SPMIP2: variants seen among roughly 807,000 people sequenced by gnomAD.
SPMIP2 encodes the protein sperm microtubule inner protein 2.
chr4:159,063,089 C>T, the SPMIP2 span, among the ~76,000 whole-genome samples: 828 of 152,164 alleles, frequency 5.4e-3, 2 homozygotes, highest in Admixed American at 9.7e-3. Flanking sequence ...ATTTACTCAA[C>T]CTCACAATGA....
At chr4:159,055,474 A>C in the SPMIP2 span, among the ~76,000 whole-genome samples, 1 of 152,280 alleles carries the variant, frequency 6.6e-6, no homozygotes, top group East Asian at 1.9e-4. Context: ...AGGCCAAGGC[A>C]AAGCAGGCAG....
chr4:158,988,573 G>A, the SPMIP2 span, among the ~76,000 whole-genome samples: 1 of 152,138 alleles, frequency 6.6e-6, no homozygotes, highest in Non-Finnish European at 1.5e-5. Flanking sequence ...GGGATGCAAG[G>A]CTGGTTCAAC....
the SPMIP2 span, among the ~76,000 whole-genome samples, chr4:158,974,567 C>T: frequency 6.6e-6 from 1 of 151,886 alleles, no homozygotes; most frequent in Non-Finnish European, 1.5e-5. Flanking sequence ...GTTTGGCTTT[C>T]TGTTCCTGAG....
the SPMIP2 span, among the ~76,000 whole-genome samples, chr4:158,928,178 G>A: frequency 2.6e-5 from 4 of 152,212 alleles, no homozygotes; most frequent in African/African-American, 7.2e-5. Context: ...AGTCTGGTGG[G>A]GATGTGGAGA....
the SPMIP2 span, among the ~76,000 whole-genome samples, chr4:159,022,758 G>A: frequency 4.1e-4 from 63 of 152,272 alleles, no homozygotes; most frequent in African/African-American, 1.4e-3. Context: ...TTGGCCGGGC[G>A]CGGTGGCTCA....
chr4:158,973,073 C>T, the SPMIP2 span: 1 of 1,498,924 alleles, frequency 6.7e-7, no homozygotes, highest in South Asian at 1.2e-5. Flanking sequence ...AATTTAAGAG[C>T]AATACCTTGA....
At chr4:158,903,034 G>GA in the SPMIP2 span, among the ~76,000 whole-genome samples, 2 of 151,866 alleles carry the variant, frequency 1.3e-5, no homozygotes, top group African/African-American at 2.4e-5. Flanking sequence ...CTGAGGTATG[G>GA]AAAAAAAACT....
At chr4:158,894,763 T>C in the SPMIP2 span, among the ~76,000 whole-genome samples, 1 of 152,204 alleles carries the variant, frequency 6.6e-6, no homozygotes, top group South Asian at 2.1e-4. Context: ...CTCCTTACTT[T>C]ATTACTCTTA....
At chr4:158,977,188 AC>A in the SPMIP2 span, among the ~76,000 whole-genome samples, 1 of 151,808 alleles carries the variant, frequency 6.6e-6, no homozygotes, top group Non-Finnish European at 1.5e-5. Context: ...TCCACTTTGC[AC>A]CCCCCTGGTA....
At chr4:158,893,490 A>G in the SPMIP2 span, 1 of 521,564 alleles carries the variant, frequency 1.9e-6, no homozygotes, top group Non-Finnish European at 3.5e-6. Context: ...AATAACAATT[A>G]GTTTCATGAA....
At chr4:159,051,800 C>A in the SPMIP2 span, among the ~76,000 whole-genome samples, 1 of 152,202 alleles carries the variant, frequency 6.6e-6, no homozygotes, top group Non-Finnish European at 1.5e-5. Context: ...CAGCTGCGTG[C>A]TGAAATATAG....
At chr4:159,050,253 G>A in the SPMIP2 span, among the ~76,000 whole-genome samples, 3 of 148,616 alleles carry the variant, frequency 2.0e-5, no homozygotes, top group African/African-American at 7.5e-5. Context: ...CTACTGTCAG[G>A]CTTGAGAAGT....
chr4:159,042,626 T>C, the SPMIP2 span, among the ~76,000 whole-genome samples: 1 of 152,210 alleles, frequency 6.6e-6, no homozygotes, highest in African/African-American at 2.4e-5. Context: ...GCAAGCACAC[T>C]ACTGACTGGC....
chr4:158,973,983 C>CAAAAAAAAAAAAAAAAAAAAAAA, the SPMIP2 span, among the ~76,000 whole-genome samples: 1 of 64,972 alleles, frequency 1.5e-5, no homozygotes, highest in Non-Finnish European at 2.6e-5. Flanking sequence ...AAGGCCACCT[C>CAAAAAAAAAAAAAAAAAAAAAAA]AAAAAAAAAA....
At chr4:159,081,667 C>A in the SPMIP2 span, among the ~76,000 whole-genome samples, 1 of 151,656 alleles carries the variant, frequency 6.6e-6, no homozygotes, top group Non-Finnish European at 1.5e-5. Context: ...TGCACTCCAG[C>A]CTGGGTGACA....
the SPMIP2 span, among the ~76,000 whole-genome samples, chr4:158,984,905 AAG>A: frequency 6.6e-6 from 1 of 151,840 alleles, no homozygotes; most frequent in African/African-American, 2.4e-5. Context: ...TAAATAAAAA[AAG>A]AGAGAAGAAT....
chr4:159,057,032 CCT>C, the SPMIP2 span, among the ~76,000 whole-genome samples: 2 of 152,166 alleles, frequency 1.3e-5, no homozygotes, highest in Non-Finnish European at 2.9e-5. Flanking sequence ...ACCTTGTCCC[CCT>C]GTCAGGGTAC....
At chr4:158,984,928 C>G in the SPMIP2 span, among the ~76,000 whole-genome samples, 1 of 151,704 alleles carries the variant, frequency 6.6e-6, no homozygotes, top group East Asian at 1.9e-4. Flanking sequence ...CAAATAGACG[C>G]AATAAAAAAT....
At chr4:159,027,140 C>G in the SPMIP2 span, among the ~76,000 whole-genome samples, 1 of 151,864 alleles carries the variant, frequency 6.6e-6, no homozygotes, top group Non-Finnish European at 1.5e-5. Flanking sequence ...AATAATATGT[C>G]TTATGAAAAG....
Sources: allele counts gnomAD v4.1 joint callset (sites outside exome capture counted in the v4.1 genomes callset), GRCh38; gene constraint gnomAD v4.1.1; transcripts MANE v1.5; gene names NCBI Gene and HGNC (gene_info 2026-07-23, HGNC 2026-07-21).